The following ZNF804B variants were observed in gnomAD, a reference collection of about 807,000 sequenced individuals.
ZNF804B encodes the protein zinc finger 804B.
Under a neutral mutation model 101.4 loss-of-function variants are expected in ZNF804B, and 80 were observed. The ratio of observed to expected loss-of-function variants is 0.79; its 90% confidence interval spans 0.66 to 0.95. The LOEUF (loss-of-function observed/expected upper bound fraction) is 0.95, where lower values mean the gene tolerates loss of function less well. Among genes scored for constraint, ZNF804B ranks in the 40% least tolerant of loss-of-function variants. ZNF804B has a pLI of 0.00. For synonymous variants in ZNF804B, 622 were observed against 558.8 expected (o/e 1.11, Z -1.59); for missense variants, 1,673 against 1,561.9 (o/e 1.07, Z -1.20).
intron 1 of ZNF804B, among the ~76,000 whole-genome samples, chr7:88,888,255 G>T (rs1209597102): frequency 6.6e-6 from 1 of 152,088 alleles, no homozygotes; most frequent in Non-Finnish European, 1.5e-5. Flanking sequence ...AGCCAGGCGT[G>T]GTGGGGGGTG....
At chr7:89,155,942 C>CCCTT (rs148636720) in intron 1 of ZNF804B, among the ~76,000 whole-genome samples, 29,335 of 149,364 alleles carry the variant, frequency 0.2, 3,179 homozygotes, top group Middle Eastern at 0.39. Context: ...CCCTTTCTCT[C>CCCTT]CCTTCCTACC....
intron 1 of ZNF804B, among the ~76,000 whole-genome samples, chr7:88,951,445 C>T (rs902186944): frequency 6.6e-6 from 1 of 151,790 alleles, no homozygotes; most frequent in Non-Finnish European, 1.5e-5. Flanking sequence ...ATTTTGTGTA[C>T]ATACACACAC....
chr7:89,010,055 A>C (rs1788432023), intron 1 of ZNF804B, among the ~76,000 whole-genome samples: 1 of 152,140 alleles, frequency 6.6e-6, no homozygotes, highest in Non-Finnish European at 1.5e-5. Context: ...TTGTATATAC[A>C]TATGTTATTT....
At chr7:88,903,357 A>G (rs944472270) in intron 1 of ZNF804B, among the ~76,000 whole-genome samples, 1 of 152,084 alleles carries the variant, frequency 6.6e-6, no homozygotes, top group African/African-American at 2.4e-5. Flanking sequence ...TCCACCATTG[A>G]TGGGCACCTA....
intron 1 of ZNF804B, among the ~76,000 whole-genome samples, chr7:88,998,936 A>G (rs946453724): frequency 6.6e-6 from 1 of 152,032 alleles, no homozygotes; most frequent in Non-Finnish European, 1.5e-5. Context: ...AGATTTTGTT[A>G]AGTGTGTTTG....
At chr7:88,971,076 T>C (rs1399566756) in intron 1 of ZNF804B, among the ~76,000 whole-genome samples, 1 of 151,460 alleles carries the variant, frequency 6.6e-6, no homozygotes, top group Non-Finnish European at 1.5e-5. Flanking sequence ...GCTAGGCTGC[T>C]TTCACACTTC....
At position 89,327,330 on chromosome 7, in the gene ZNF804B, T is replaced by A; in HGVS notation, c.250-14T>A. The A allele has an allele frequency of 6.3e-7, 1 of 1,575,250 alleles. No individual in the cohort carries two copies. The stretch of plus-strand genomic sequence containing the variant: ...TTATTTATAGTACCTTTTTGGTTTT[T>A]CTTCTTTTTCAAGAGACTGAAAGAA... On this transcript the variant is annotated splice_polypyrimidine_tract_variant and intron_variant, in intron 2 of 3. Transcript: ENST00000333190.
chr7:89,330,255 G>T (rs1209812441), intron 3 of ZNF804B, among the ~76,000 whole-genome samples: 1 of 151,630 alleles, frequency 6.6e-6, no homozygotes, highest in Non-Finnish European at 1.5e-5. Context: ...ATTGTTCAAA[G>T]TTTATAAACT....
intron 1 of ZNF804B, among the ~76,000 whole-genome samples, chr7:88,838,820 A>T (rs1315046507): frequency 6.6e-6 from 1 of 151,968 alleles, no homozygotes; most frequent in Non-Finnish European, 1.5e-5. Context: ...AAAGTCTCAG[A>T]AACCTGCCCT....
intron 3 of ZNF804B, among the ~76,000 whole-genome samples, chr7:89,331,358 A>G (rs960716441): frequency 6.6e-6 from 1 of 151,696 alleles, no homozygotes; most frequent in African/African-American, 2.4e-5. Flanking sequence ...ATTTACTTTT[A>G]TGCTTGAAAG....
At chr7:89,000,201 C>T (rs1562855767) in intron 1 of ZNF804B, among the ~76,000 whole-genome samples, 1 of 151,858 alleles carries the variant, frequency 6.6e-6, no homozygotes, top group African/African-American at 2.4e-5. Flanking sequence ...TACTGCATGA[C>T]ACAAACAAAC....
chr7:89,032,170 G>GA (rs1298789924), intron 1 of ZNF804B, among the ~76,000 whole-genome samples: 3 of 151,992 alleles, frequency 2.0e-5, no homozygotes, highest in African/African-American at 7.2e-5. Flanking sequence ...TCAGAACGTT[G>GA]ATTTTTTTCC....
intron 1 of ZNF804B, among the ~76,000 whole-genome samples, chr7:89,033,946 T>G (rs1562866164): frequency 6.6e-6 from 1 of 152,140 alleles, no homozygotes; most frequent in Non-Finnish European, 1.5e-5. Context: ...ATTATTAGTG[T>G]AGCATCAACA....
intron 2 of ZNF804B, among the ~76,000 whole-genome samples, chr7:89,312,056 T>C (rs539914064): frequency 6.6e-6 from 1 of 152,298 alleles, no homozygotes; most frequent in Non-Finnish European, 1.5e-5. Flanking sequence ...CAGATGATCC[T>C]GAGCCTTGAA....
chr7:88,873,526 A>C (rs955256715), intron 1 of ZNF804B, among the ~76,000 whole-genome samples: 1 of 152,100 alleles, frequency 6.6e-6, no homozygotes, highest in African/African-American at 2.4e-5. Context: ...TTGGTGTTTT[A>C]GACATGAAGT....
At chr7:89,321,252 G>A (rs549626955) in intron 2 of ZNF804B, among the ~76,000 whole-genome samples, 13 of 152,186 alleles carry the variant, frequency 8.5e-5, no homozygotes, top group South Asian at 4.2e-4. Flanking sequence ...AGGCTGAGGC[G>A]GGCGGATCAC....
At chr7:89,206,250 C>T (rs1238096331) in intron 1 of ZNF804B, among the ~76,000 whole-genome samples, 1 of 150,860 alleles carries the variant, frequency 6.6e-6, no homozygotes, top group African/African-American at 2.4e-5. Flanking sequence ...ATCTGACATG[C>T]CCTGGAGAGG....
intron 3 of ZNF804B, among the ~76,000 whole-genome samples, chr7:89,328,197 A>G (rs2115984926): frequency 6.6e-6 from 1 of 152,046 alleles, no homozygotes; most frequent in Admixed American, 6.6e-5. Context: ...TTAAACACCT[A>G]TTGCTTAAAT....
intron 1 of ZNF804B, among the ~76,000 whole-genome samples, chr7:88,918,595 A>C (rs1792672333): frequency 6.6e-6 from 1 of 152,190 alleles, no homozygotes; most frequent in Non-Finnish European, 1.5e-5. Context: ...GTTGTCACTC[A>C]TGTCTCTACA....
Sources: gnomAD v4.1 joint callset for allele counts (sites outside exome capture counted in the v4.1 genomes callset) on GRCh38, gnomAD v4.1.1 for gene constraint, MANE v1.5 for transcripts, NCBI Gene and HGNC (gene_info 2026-07-23, HGNC 2026-07-21) for gene names.